NUP43: variants seen among roughly 807,000 people sequenced by gnomAD.
NUP43 encodes the protein nucleoporin 43.
A neutral mutation model predicts 47.3 loss-of-function variants in NUP43; 32 were observed. The ratio of observed to expected loss-of-function variants is 0.68; its 90% CI spans 0.51 to 0.91. The LOEUF (loss-of-function observed/expected upper bound fraction) is 0.91, where lower values mean the gene tolerates loss of function less well. NUP43 is among the 40% of genes least tolerant of loss of function. The pLI is 0.00. For missense variants in NUP43, 444 were observed against 453.9 expected (o/e 0.98, Z 0.20); for synonymous variants, 147 against 158.4 (o/e 0.93, Z 0.54).
At chr6:149,739,797 C>T (rs527311899) in intron 4 of NUP43, among the ~76,000 whole-genome samples, 5 of 152,280 alleles carry the variant, frequency 3.3e-5, no homozygotes, top group African/African-American at 1.2e-4. Context: ...TCTGCAGACT[C>T]ATCCCAAATC....
Position 149,745,966 on chromosome 6 carries a change from G to A in NUP43, c.217C>T (p.His73Tyr). 6.2e-7 allele frequency: 1 copy of A among 1,613,186 alleles called. No individual in the cohort carries two copies. Among genetic ancestry groups the A allele is most frequent in the Non-Finnish European group, 8.5e-7 (1 of 1,179,616 alleles). ...TGTAAATCCATTACATCACCATGGT[G>A]TCTGATATCACACAATAACTGATGG... ...GDHQLLCDIRHHGDVMDLQFF... is the reference protein window; with the variant it reads ...GDHQLLCDIRYHGDVMDLQFF... Residue 73 changes from histidine to tyrosine, a missense_variant, in exon 2 of 8, where the codon CAC becomes TAC. Coordinates refer to ENST00000340413, the MANE Select transcript of NUP43 (RefSeq NM_198887.3).
intron 4 of NUP43, among the ~76,000 whole-genome samples, chr6:149,739,580 C>T (rs1448833176): frequency 6.6e-6 from 1 of 152,210 alleles, no homozygotes; most frequent in Non-Finnish European, 1.5e-5. Flanking sequence ...ACCCACCAGG[C>T]CCAGCCTTGA....
At chr6:149,735,912 G>A (rs1269301640) in intron 6 of NUP43, among the ~76,000 whole-genome samples, 2 of 149,726 alleles carry the variant, frequency 1.3e-5, no homozygotes, top group African/African-American at 2.5e-5. Context: ...AGTCAAGGCT[G>A]TAGTGAGCCG....
upstream of NUP43, among the ~76,000 whole-genome samples, chr6:149,748,509 C>T (rs572974825): frequency 2.1e-4 from 32 of 151,966 alleles, no homozygotes; most frequent in Admixed American, 1.8e-3. Context: ...GCTTTGTTTC[C>T]TTCTAAAAGA....
At chr6:149,743,953 G>A (rs1342501369) in intron 2 of NUP43, among the ~76,000 whole-genome samples, 1 of 152,156 alleles carries the variant, frequency 6.6e-6, no homozygotes, top group Non-Finnish European at 1.5e-5. Flanking sequence ...GATTTAATTT[G>A]GGACCAACAC....
Position 149,745,839 on chromosome 6 carries a change from T to C in NUP43, c.243+101A>G, listed in dbSNP as rs115957954. On this transcript the variant is annotated intron_variant, in intron 2 of 7. Transcript: ENST00000340413. ...AACTTACAGAGCACTCAGTTTTCTG[T>C]AAACGAGGGGTGACACCAGACAACT... 653 of 1,043,730 alleles carry C rather than the reference T, an allele frequency of 6.3e-4. 5 individuals are homozygous for C. The African/African-American group carries it at 9.7e-3, about 16-fold the overall frequency. 64.7% of individuals were successfully genotyped at this position (1,043,730 alleles called of 1,614,324 possible). A position where few individuals can be genotyped will look rare whatever the true frequency, so the allele number is the denominator to read the frequency against.
At chr6:149,732,277 G>A (rs1315127848) in intron 6 of NUP43, among the ~76,000 whole-genome samples, 1 of 152,002 alleles carries the variant, frequency 6.6e-6, no homozygotes, top group Non-Finnish European at 1.5e-5. Flanking sequence ...CAGGCACAGT[G>A]GCTCATGCTT....
intron 4 of NUP43, among the ~76,000 whole-genome samples, chr6:149,739,401 C>A (rs1430724276): frequency 6.6e-6 from 1 of 152,068 alleles, no homozygotes; most frequent in African/African-American, 2.4e-5. Context: ...ATTCTCTTGC[C>A]TCGGCCTCTC....
intron 4 of NUP43, among the ~76,000 whole-genome samples, chr6:149,741,859 C>T (rs1785674732): frequency 1.3e-5 from 2 of 151,598 alleles, no homozygotes; most frequent in Non-Finnish European, 2.9e-5. Context: ...GAAAGGAGTA[C>T]AATGATTTTT....
intron 7 of NUP43, chr6:149,728,487 GT>G: frequency 1.0e-6 from 1 of 982,994 alleles, no homozygotes; most frequent in Non-Finnish European, 1.2e-6. Flanking sequence ...TTCTGAAGAA[GT>G]TTTAGAATTT....
At chr6:149,728,371 G>A in intron 7 of NUP43, 1 of 984,504 alleles carries the variant, frequency 1.0e-6, no homozygotes, top group Non-Finnish European at 1.2e-6. Context: ...TAAAAACGAA[G>A]TACATACTTA....
chr6:149,739,643 AGATTGTTACCCTGCATTTCT>A (rs1412384071), intron 4 of NUP43, among the ~76,000 whole-genome samples: 1 of 152,044 alleles, frequency 6.6e-6, no homozygotes, highest in Admixed American at 6.6e-5. Flanking sequence ...TTAACTCTTA[AGATTGTTACCCTGCATTTCT>A]GAGAGAGTTG....
At chr6:149,735,180 G>A (rs568373627) in intron 6 of NUP43, among the ~76,000 whole-genome samples, 3 of 151,904 alleles carry the variant, frequency 2.0e-5, no homozygotes, top group African/African-American at 4.8e-5. Flanking sequence ...CTCCTGCCTC[G>A]GCCTCCTGAG....
At chr6:149,731,498 GGT>G in intron 7 of NUP43, 113 bp downstream of exon 7, 1 of 860,208 alleles carries the variant, frequency 1.2e-6, no homozygotes, top group South Asian at 1.9e-5. Context: ...AGGAGGCGGA[GGT>G]TGCAGTGAGC....
chr6:149,731,589 A>C (rs1319325292), intron 7 of NUP43, 24 bp downstream of exon 7: 1 of 1,602,768 alleles, frequency 6.2e-7, no homozygotes, highest in Admixed American at 1.7e-5. Context: ...AGTACACATA[A>C]CAGTATTCAT....
At chr6:149,741,334 C>G (rs1017044693) in intron 4 of NUP43, among the ~76,000 whole-genome samples, 1 of 151,920 alleles carries the variant, frequency 6.6e-6, no homozygotes, top group African/African-American at 2.4e-5. Context: ...CCACCATGCC[C>G]AGCTAATTTT....
At chr6:149,730,157 G>C (rs1034137240) in intron 7 of NUP43, among the ~76,000 whole-genome samples, 4 of 152,034 alleles carry the variant, frequency 2.6e-5, no homozygotes, top group African/African-American at 9.7e-5. Flanking sequence ...TTACAGGCAT[G>C]AGCCACCACA....
intron 7 of NUP43, among the ~76,000 whole-genome samples, chr6:149,728,646 A>G (rs1391449340): frequency 2.0e-5 from 3 of 152,058 alleles, no homozygotes; most frequent in Non-Finnish European, 4.4e-5. Flanking sequence ...TCCCCCTCCC[A>G]TAAGTCTAAA....
chr6:149,734,576 T>C (rs999253769), intron 6 of NUP43, among the ~76,000 whole-genome samples: 4 of 151,838 alleles, frequency 2.6e-5, no homozygotes, highest in Admixed American at 2.6e-4. Flanking sequence ...GGCAGGCAGA[T>C]AACCTGAGGT....
Sources: allele counts gnomAD v4.1 joint callset (sites outside exome capture counted in the v4.1 genomes callset), GRCh38; gene constraint gnomAD v4.1.1; transcripts MANE v1.5; gene names NCBI Gene and HGNC (gene_info 2026-07-23, HGNC 2026-07-21).